The following SGSM1 variants were observed in gnomAD, a reference collection of about 807,000 sequenced individuals.
SGSM1 encodes the protein RUN and TBC1 domain containing 2.
A neutral mutation model predicts 133.8 loss-of-function variants in SGSM1; 73 were observed. The ratio of observed to expected loss-of-function variants is 0.55; its 90% CI spans 0.45 to 0.66. The LOEUF (loss-of-function observed/expected upper bound fraction) is 0.66. SGSM1 is among the 30% of genes least tolerant of loss of function. SGSM1 has a pLI of 0.00. For synonymous variants in SGSM1, 563 were observed against 573.0 expected (o/e 0.98, Z 0.25); for missense variants, 1,213 against 1,448.1 (o/e 0.84, Z 2.64).
In SGSM1 at chr22:24,917,655, C is replaced by G; in HGVS notation, c.2929-3C>G. ...GCTGATGCTGCCTTTCCTTCCTTGA[C>G]AGATCCTGGACTCAGAGCTGTTTGA... On this transcript the variant is annotated splice_polypyrimidine_tract_variant and splice_region_variant and intron_variant, in intron 22 of 24. Coordinates refer to ENST00000400358, the MANE Select transcript of SGSM1 (RefSeq NM_001098497.3). 6.2e-7 allele frequency: 1 copy of G among 1,611,968 alleles called. No homozygotes were observed.
At chr22:24,907,651 G>A (rs545309740) in intron 21 of SGSM1, among the ~76,000 whole-genome samples, 13 of 151,728 alleles carry the variant, frequency 8.6e-5, no homozygotes, top group South Asian at 2.1e-4. Flanking sequence ...TTGGCCGGGC[G>A]CAGTGTCTCA....
chr22:24,892,885 A>G (rs1285797960), intron 16 of SGSM1, among the ~76,000 whole-genome samples: 2 of 49,402 alleles, frequency 4.0e-5, no homozygotes, highest in Non-Finnish European at 5.8e-5. Flanking sequence ...CGTCTCTACT[A>G]AAAAAAAAAA....
chr22:24,896,038 A>G (rs1204418704), intron 18 of SGSM1, among the ~76,000 whole-genome samples: 1 of 152,070 alleles, frequency 6.6e-6, no homozygotes, highest in Admixed American at 6.6e-5. Context: ...GACAGAGTGA[A>G]ACCCTGTCTC....
At chr22:24,854,108 C>T (rs1930641989) in intron 5 of SGSM1, among the ~76,000 whole-genome samples, 1 of 152,114 alleles carries the variant, frequency 6.6e-6, no homozygotes, top group Non-Finnish European at 1.5e-5. Flanking sequence ...CTGGGAGATA[C>T]AATTCAAGTT....
intron 3 of SGSM1, 60 bp downstream of exon 3, chr22:24,845,032 G>A (rs1488222667): frequency 6.5e-7 from 1 of 1,529,704 alleles, no homozygotes; most frequent in African/African-American, 1.4e-5. Context: ...GGGAAGTGGT[G>A]TCTTGGAGCC....
chr22:24,923,918 G>A (rs5760737), intron 24 of SGSM1, among the ~76,000 whole-genome samples: 30,441 of 152,108 alleles, frequency 0.2, 3,947 homozygotes, highest in East Asian at 0.57. Flanking sequence ...CACCATGCCC[G>A]GCCGACCTCA....
At chr22:24,865,079 GT>G (rs1262109695) in intron 9 of SGSM1, among the ~76,000 whole-genome samples, 2 of 152,216 alleles carry the variant, frequency 1.3e-5, no homozygotes, top group African/African-American at 2.4e-5. Context: ...GGCTGTTGGT[GT>G]CATTTTCATG....
chr22:24,912,054 TA>T (rs747171190), intron 21 of SGSM1, among the ~76,000 whole-genome samples: 9 of 90,502 alleles, frequency 9.9e-5, no homozygotes, highest in South Asian at 8.2e-4. Flanking sequence ...GATTCTGTCT[TA>T]AAAAAAAAGG....
chr22:24,858,635 C>CAAAAAAAAAAAAAAAAAAAA (rs139699), intron 8 of SGSM1, among the ~76,000 whole-genome samples: 4 of 82,970 alleles, frequency 4.8e-5, no homozygotes, highest in African/African-American at 1.4e-4. Flanking sequence ...GACTCCATCT[C>CAAAAAAAAAAAAAAAAAAAA]AAAAAAAAAA....
chr22:24,914,659 C>CT lies in SGSM1; in HGVS notation c.2928+1908dup, dbSNP rs1170689951. On this transcript the variant is annotated intron_variant, in intron 22 of 24. Coordinates refer to ENST00000400358, the MANE Select transcript of SGSM1 (RefSeq NM_001098497.3). Reference sequence around the variant, plus strand: ...ATATATTCCTAAACAGCATACAACTCTGTTTCTTTACTCCCCACTTTACAT... The same window carrying CT: ...ATATATTCCTAAACAGCATACAACTCTTGTTTCTTTACTCCCCACTTTACAT... Among the ~76,000 whole-genome samples, 3 of 152,154 alleles carry CT rather than the reference C, an allele frequency of 2.0e-5. No homozygotes were observed. The East Asian group carries it at 5.8e-4, about 29-fold the overall frequency.
intron 16 of SGSM1, 28 bp from the exon 17 acceptor site, chr22:24,893,403 T>C (rs761978059): frequency 1.2e-6 from 2 of 1,610,946 alleles, no homozygotes; most frequent in East Asian, 4.5e-5. Flanking sequence ...TGTTGACACC[T>C]CGGGTGACAT....
intron 2 of SGSM1, among the ~76,000 whole-genome samples, chr22:24,830,467 G>C (rs1929052606): frequency 6.6e-6 from 1 of 152,186 alleles, no homozygotes; most frequent in Non-Finnish European, 1.5e-5. Context: ...GTTTGGACTT[G>C]AGACAGTGTG....
intron 2 of SGSM1, among the ~76,000 whole-genome samples, chr22:24,808,443 CCAA>C (rs1171641376): frequency 2.6e-5 from 4 of 152,188 alleles, no homozygotes; most frequent in Non-Finnish European, 4.4e-5. Flanking sequence ...AACTCACAGA[CCAA>C]CAACATCCTT....
intron 5 of SGSM1, among the ~76,000 whole-genome samples, chr22:24,853,769 A>ATTTTTTTTTTT (rs57736929): frequency 2.8e-3 from 344 of 123,308 alleles, no homozygotes; most frequent in African/African-American, 9.1e-3. Context: ...CGCCTGGTGA[A>ATTTTTTTTTTT]TTTTTTTTTT....
intron 18 of SGSM1, among the ~76,000 whole-genome samples, chr22:24,897,591 T>C (rs139732): frequency 0.4 from 60,539 of 151,954 alleles, 14,058 homozygotes; most frequent in African/African-American, 0.65. Flanking sequence ...CCTCAGCCCC[T>C]CAAGTAGCTG....
chr22:24,829,052 C>T (rs1218864641), intron 2 of SGSM1, among the ~76,000 whole-genome samples: 2 of 151,860 alleles, frequency 1.3e-5, no homozygotes, highest in East Asian at 1.9e-4. Flanking sequence ...AAAAATTAGC[C>T]GGGCATGGTG....
At chr22:24,851,330 C>T (rs1930454082) in intron 5 of SGSM1, among the ~76,000 whole-genome samples, 1 of 148,330 alleles carries the variant, frequency 6.7e-6, no homozygotes, top group Non-Finnish European at 1.5e-5. Context: ...TGTCACAGAG[C>T]TTGTATATCA....
At position 24,904,448 on chromosome 22, in the gene SGSM1, C is replaced by T. The variant is rs944615165; in HGVS notation, c.2736-657C>T. The stretch of plus-strand genomic sequence containing the variant: ...ACAAAAAATTAGCTGGGCGAGGTGG[C>T]GGGCGCCTGTAGTCCCAGCTACTCG... On this transcript the variant is annotated intron_variant, in intron 20 of 24. Transcript: ENST00000400358. 5.3e-5 allele frequency among the ~76,000 whole-genome samples: 8 copies of T among 151,942 alleles called. No homozygotes were observed. The East Asian group carries it at 7.8e-4, about 15-fold the overall frequency.
chr22:24,834,942 G>A (rs6004306), intron 2 of SGSM1, among the ~76,000 whole-genome samples: 1 of 151,796 alleles, frequency 6.6e-6, no homozygotes, highest in East Asian at 1.9e-4. Context: ...TTGTATTCGC[G>A]TGATGTTGTG....
Sources: gnomAD v4.1 joint callset for allele counts (sites outside exome capture counted in the v4.1 genomes callset) on GRCh38, gnomAD v4.1.1 for gene constraint, MANE v1.5 for transcripts, NCBI Gene and HGNC (gene_info 2026-07-23, HGNC 2026-07-21) for gene names.